The following CTNND2 variants were observed in gnomAD, a reference collection of about 807,000 sequenced individuals.
CTNND2 encodes catenin delta 2.
CTNND2 carries 22 observed loss-of-function variants against 144.4 expected under a neutral mutation model. The observed-to-expected ratio is 0.15, with a 90% CI of 0.11 to 0.22. The LOEUF (loss-of-function observed/expected upper bound fraction) is 0.22, where lower values mean the gene tolerates loss of function less well. Ranked by LOEUF, CTNND2 falls within the 10% of genes least tolerant of loss-of-function variation. The pLI is 1.00. For missense variants in CTNND2, 1,353 were observed against 1,618.8 expected (o/e 0.84, Z 2.82); for synonymous variants, 751 against 695.6 (o/e 1.08, Z -1.25).
chr5:11,293,844 G>GTA (rs1162908349), intron 9 of CTNND2, among the ~76,000 whole-genome samples: 1 of 147,014 alleles, frequency 6.8e-6, no homozygotes, highest in East Asian at 2.0e-4. Flanking sequence ...AAATATATAT[G>GTA]TATATATATT....
chr5:11,660,673 G>A (rs186492654), intron 2 of CTNND2, among the ~76,000 whole-genome samples: 7 of 152,176 alleles, frequency 4.6e-5, no homozygotes, highest in East Asian at 1.9e-4. Context: ...GACATTGAAC[G>A]TGTTTCAATT....
At chr5:11,637,322 T>G (rs1233924108) in intron 2 of CTNND2, among the ~76,000 whole-genome samples, 1 of 152,184 alleles carries the variant, frequency 6.6e-6, no homozygotes, top group East Asian at 1.9e-4. Context: ...AAAGACTGTC[T>G]TGCTAAGAGC....
At chr5:11,420,612 T>C (rs1266981439) in intron 3 of CTNND2, among the ~76,000 whole-genome samples, 4 of 152,186 alleles carry the variant, frequency 2.6e-5, no homozygotes, top group Non-Finnish European at 5.9e-5. Context: ...TAGCGCATTA[T>C]GTCCAGAATC....
At chr5:11,192,095 G>A (rs896025421) in intron 11 of CTNND2, among the ~76,000 whole-genome samples, 4 of 152,194 alleles carry the variant, frequency 2.6e-5, no homozygotes, top group Non-Finnish European at 5.9e-5. Flanking sequence ...GGAGACAGGC[G>A]CTGCCTCTGC....
chr5:11,220,707 G>A (rs142408239), intron 10 of CTNND2, among the ~76,000 whole-genome samples: 6 of 152,230 alleles, frequency 3.9e-5, no homozygotes, highest in South Asian at 2.1e-4. Context: ...CTCTTTGCCC[G>A]TCTCCATAAA....
At chr5:11,664,768 T>C (rs1783462783) in intron 2 of CTNND2, among the ~76,000 whole-genome samples, 1 of 152,190 alleles carries the variant, frequency 6.6e-6, no homozygotes, top group Admixed American at 6.5e-5. Context: ...TGGATACTTA[T>C]CAGGGAAAGC....
At chr5:11,750,516 G>A (rs935899204) in intron 1 of CTNND2, among the ~76,000 whole-genome samples, 3 of 151,784 alleles carry the variant, frequency 2.0e-5, no homozygotes, top group Middle Eastern at 6.3e-3. Context: ...AGTGCATGAC[G>A]GGGGATACCT....
intron 9 of CTNND2, among the ~76,000 whole-genome samples, chr5:11,340,919 T>C (rs1374932631): frequency 6.6e-6 from 1 of 152,268 alleles, no homozygotes; most frequent in Non-Finnish European, 1.5e-5. Context: ...ACACTGAGCA[T>C]GGAACTTAAT....
rs1400955414 is a variant in CTNND2, at chr5:10,985,338, T to G, written c.3343+2773A>C. ...CGCTATGGAAGCCGGCATGCCTGAA[T>G]GAATAGCCAACTGGATTTCTCAGGG... On this transcript the variant is annotated intron_variant, in intron 20 of 21. Transcript: ENST00000304623. 5.9e-5 allele frequency among the ~76,000 whole-genome samples: 9 copies of G among 152,272 alleles called. No homozygotes were observed. The East Asian group carries it at 1.7e-3, about 29-fold the overall frequency.
chr5:11,029,500 T>A (rs1204685322), intron 16 of CTNND2, among the ~76,000 whole-genome samples: 1 of 152,262 alleles, frequency 6.6e-6, no homozygotes, highest in Non-Finnish European at 1.5e-5. Flanking sequence ...CATTATACCA[T>A]TATAATTTGA....
chr5:11,104,863 G>T (rs1474977979), intron 14 of CTNND2, among the ~76,000 whole-genome samples: 1 of 152,234 alleles, frequency 6.6e-6, no homozygotes, highest in Non-Finnish European at 1.5e-5. Context: ...CATTAAAGAG[G>T]CAGGATGAGG....
chr5:11,011,062 G>A (rs1034826665), intron 18 of CTNND2, among the ~76,000 whole-genome samples: 1 of 152,156 alleles, frequency 6.6e-6, no homozygotes, highest in Non-Finnish European at 1.5e-5. Flanking sequence ...GGAGTGGAGG[G>A]GGGCACAACC....
At chr5:11,522,485 T>G (rs541666501) in intron 3 of CTNND2, among the ~76,000 whole-genome samples, 1 of 152,200 alleles carries the variant, frequency 6.6e-6, no homozygotes, top group African/African-American at 2.4e-5. Context: ...TGCCGCAGAC[T>G]ACAATCAACT....
At chr5:11,270,903 A>G (rs1177584802) in intron 9 of CTNND2, among the ~76,000 whole-genome samples, 1 of 152,232 alleles carries the variant, frequency 6.6e-6, no homozygotes, top group Non-Finnish European at 1.5e-5. Context: ...TTGAAATTAG[A>G]TTGTATGAAG....
At chr5:11,223,288 T>C (rs963926339) in intron 10 of CTNND2, among the ~76,000 whole-genome samples, 2 of 152,206 alleles carry the variant, frequency 1.3e-5, no homozygotes, top group African/African-American at 4.8e-5. Context: ...CATAAAGGAA[T>C]ACAGTCCTTG....
intron 2 of CTNND2, among the ~76,000 whole-genome samples, chr5:11,633,573 C>A (rs539637036): frequency 6.6e-6 from 1 of 151,972 alleles, no homozygotes; most frequent in South Asian, 2.1e-4. Context: ...GTCAGGAGTT[C>A]GAGACAACCA....
intron 15 of CTNND2, among the ~76,000 whole-genome samples, chr5:11,088,845 T>C (rs1474479355): frequency 6.6e-6 from 1 of 152,186 alleles, no homozygotes; most frequent in Non-Finnish European, 1.5e-5. Flanking sequence ...GAAGACAGAA[T>C]CTTATTTTTC....
At chr5:11,345,281 A>G (rs1754657455) in intron 9 of CTNND2, among the ~76,000 whole-genome samples, 1 of 152,198 alleles carries the variant, frequency 6.6e-6, no homozygotes, top group South Asian at 2.1e-4. Flanking sequence ...ATAGTAAACA[A>G]AAGAATGCTT....
At chr5:11,006,928 G>T (rs73044262) in intron 18 of CTNND2, among the ~76,000 whole-genome samples, 1 of 152,034 alleles carries the variant, frequency 6.6e-6, no homozygotes, top group Non-Finnish European at 1.5e-5. Flanking sequence ...AGGAGAAAAC[G>T]ACTTAACAAG....
Sources: allele counts gnomAD v4.1 joint callset (sites outside exome capture counted in the v4.1 genomes callset), GRCh38; gene constraint gnomAD v4.1.1; transcripts MANE v1.5; gene names NCBI Gene and HGNC (gene_info 2026-07-23, HGNC 2026-07-21).